The following RASA3 variants were observed in gnomAD, a reference collection of about 807,000 sequenced individuals.
RASA3 encodes RAS p21 protein activator 3.
RASA3 carries 73 observed loss-of-function variants against 110.0 expected under a neutral mutation model. The observed-to-expected ratio is 0.66, with a 90% confidence interval of 0.55 to 0.81. The LOEUF is 0.81. Among genes scored for constraint, RASA3 ranks in the 30% least tolerant of loss-of-function variants. The pLI is 0.00. For synonymous variants in RASA3, 500 were observed against 451.4 expected, an observed-to-expected ratio of 1.11 and a Z score of -1.37; for missense variants, 976 against 1,113.2, an observed-to-expected ratio of 0.88 and a Z score of 1.75.
chr13:114,040,885 C>A, intron 4 of RASA3, 115 bp downstream of exon 4: 1 of 956,380 alleles, frequency 1.0e-6, no homozygotes, highest in Non-Finnish European at 1.6e-6. Context: ...CATCGTTATT[C>A]CCAGTCAAGG....
At position 114,016,299 on chromosome 13, in the gene RASA3, G is replaced by C. The variant is rs374402193; in HGVS notation, c.1207-28C>G. 9.2e-6 allele frequency: 14 copies of C among 1,517,378 alleles called. 1 individual carries two copies. In the African/African-American group the frequency reaches 1.9e-4, roughly 21 times the overall value. The allele number at this position is 1,517,378 out of a possible 1,614,324, so 94.0% of individuals were successfully genotyped here. On this transcript the variant is annotated intron_variant, in intron 12 of 23. Transcript: ENST00000334062. ...GGGGAGAGGTTTAAGACAGGGCTCT[G>C]TGAGTGGGTTCTGGGGGCACAGGCA...
At chr13:114,031,001 CTG>C (rs1411962041) in intron 4 of RASA3, among the ~76,000 whole-genome samples, 9 of 150,754 alleles carry the variant, frequency 6.0e-5, no homozygotes, top group Non-Finnish European at 1.3e-4. Context: ...GTGTGTGCGG[CTG>C]TGTGTCTGCC....
chr13:114,065,227 C>A lies in RASA3; in HGVS notation c.173+8493G>T, dbSNP rs993977548. 1.3e-5 allele frequency among the ~76,000 whole-genome samples: 2 copies of A among 152,344 alleles called. No homozygotes were observed. Among genetic ancestry groups the A allele is most frequent in the African/African-American group, 4.8e-5 (2 of 41,584 alleles). The stretch of plus-strand genomic sequence containing the variant: ...TCCCTGAGTCACTTCCCAGCATCTG[C>A]GCAAGGCTGGCGCTGCCCCATCCCG... On this transcript the variant is annotated intron_variant, in intron 2 of 23. Coordinates refer to ENST00000334062, the MANE Select transcript of RASA3 (RefSeq NM_007368.4). This position sits in a 1 kb window ranked among gnomAD's most constrained non-coding sequence, Gnocchi z 4.1.
At chr13:114,017,164 A>T in intron 12 of RASA3, 73 bp downstream of exon 12, 1 of 1,361,800 alleles carries the variant, frequency 7.3e-7, no homozygotes, top group East Asian at 2.3e-5. Flanking sequence ...GCTGGATCCC[A>T]GTGCAGTGCC....
At chr13:114,110,296 G>A (rs1469642198) in intron 1 of RASA3, among the ~76,000 whole-genome samples, 1 of 152,206 alleles carries the variant, frequency 6.6e-6, no homozygotes, top group African/African-American at 2.4e-5. Context: ...GACAGACCCG[G>A]GCCCCTGACC....
chr13:114,083,394 C>A (rs2079812516), intron 1 of RASA3, among the ~76,000 whole-genome samples: 1 of 152,228 alleles, frequency 6.6e-6, no homozygotes. Context: ...CAGTGTGGCC[C>A]CAAAGCCAGA....
chr13:114,056,633 C>T lies in RASA3; in HGVS notation c.174-4478G>A, dbSNP rs1468777527. ...GCTGGCTGGGCACCTGGGAGGGTCC[C>T]GTGAGGCTTCTGGTGGTGCTGACAG... On this transcript the variant is annotated intron_variant, in intron 2 of 23. Transcript: ENST00000334062. This position sits in a 1 kb window ranked among gnomAD's most constrained non-coding sequence, Gnocchi z 5.7. The T allele has an allele frequency of 1.3e-5, 13 of 985,004 alleles. No homozygotes were observed. The highest frequency in any genetic ancestry group is 1.1e-4 in the East Asian group (1 of 8,804). 61.0% of individuals were successfully genotyped at this position (985,004 alleles called of 1,614,324 possible). A position where few individuals can be genotyped will look rare whatever the true frequency, so the allele number is the denominator to read the frequency against.
chr13:114,096,687 G>A lies in RASA3; in HGVS notation c.56-22850C>T, dbSNP rs577167128. Among the ~76,000 whole-genome samples the A allele has an allele frequency of 3.9e-5, 6 of 152,052 alleles. No homozygotes were observed. The highest frequency in any genetic ancestry group is 2.1e-4 in the South Asian group (1 of 4,810). ...ATACTGTAGCACCACACTGACTAGC[G>A]TGCGGGTCTCCACCACAGTTATGAC... On this transcript the variant is annotated intron_variant, in intron 1 of 23. Coordinates refer to ENST00000334062, the MANE Select transcript of RASA3 (RefSeq NM_007368.4). This position sits in a 1 kb window ranked among gnomAD's most constrained non-coding sequence, Gnocchi z 5.1.
chr13:114,087,816 A>G (rs556883216), intron 1 of RASA3, among the ~76,000 whole-genome samples: 7 of 152,336 alleles, frequency 4.6e-5, no homozygotes, highest in African/African-American at 1.7e-4. Context: ...TGGGAGCAGC[A>G]TTTCCTTCCA....
intron 11 of RASA3, 39 bp from the exon 12 acceptor site, chr13:114,017,390 G>T (rs898691462): frequency 1.9e-6 from 3 of 1,546,352 alleles, no homozygotes; most frequent in Non-Finnish European, 1.8e-6. Flanking sequence ...GTCTCCTGGG[G>T]ACGCGGAAGT....
chr13:114,101,067 G>A (rs527712205), intron 1 of RASA3, among the ~76,000 whole-genome samples: 1 of 152,190 alleles, frequency 6.6e-6, no homozygotes, highest in South Asian at 2.1e-4. Context: ...CGGGGGTGTA[G>A]GGACAGGGGC....
At chr13:114,010,436 T>G (rs2053606199) in intron 16 of RASA3, among the ~76,000 whole-genome samples, 1 of 151,866 alleles carries the variant, frequency 6.6e-6, no homozygotes, top group Non-Finnish European at 1.5e-5. Flanking sequence ...ACGTCAGCTC[T>G]GACCCCCTCA....
chr13:114,013,713 CCT>C (rs1183547533), intron 14 of RASA3, among the ~76,000 whole-genome samples: 8 of 86,496 alleles, frequency 9.2e-5, no homozygotes, highest in Non-Finnish European at 1.6e-4. Context: ...TCTCTCTCCC[CCT>C]CTCTCTCTCC....
At chr13:114,067,285 G>C (rs920329744) in intron 2 of RASA3, among the ~76,000 whole-genome samples, 1 of 152,038 alleles carries the variant, frequency 6.6e-6, no homozygotes, top group Non-Finnish European at 1.5e-5. Flanking sequence ...CCCACCTGGG[G>C]TACTCTGGGG....
chr13:114,070,929 CCGGCG>C (rs2079560627), intron 2 of RASA3, among the ~76,000 whole-genome samples: 1 of 120,568 alleles, frequency 8.3e-6, no homozygotes, highest in African/African-American at 3.5e-5. Context: ...GGCAGGGCTG[CCGGCG>C]TCCACGCTAA....
chr13:114,047,716 C>T lies in RASA3; in HGVS notation c.277+4336G>A, dbSNP rs146032321. 5.7e-3 allele frequency among the ~76,000 whole-genome samples: 861 copies of T among 152,356 alleles called. 1 individual carries two copies. The highest frequency in any genetic ancestry group is 0.016 in the African/African-American group (685 of 41,570). On this transcript the variant is annotated intron_variant, in intron 3 of 23. Coordinates refer to ENST00000334062, the MANE Select transcript of RASA3 (RefSeq NM_007368.4). ...GAAACCCACGGGCAGTGGAAGGGGGCGGCCTGGCTCACAGCCGCACAGCGC... is the reference window on the plus strand; with the variant it reads ...GAAACCCACGGGCAGTGGAAGGGGGTGGCCTGGCTCACAGCCGCACAGCGC...
rs1297979605 is a variant in RASA3 at position 114,027,434 on chromosome 13, C to T, written c.558G>A (p.Lys186=). ...FRSEAKKTKV[K]RKTNNPQFDE... ...CGAACTGGGGATTGTTGGTCTTCCT[C>T]TTCACTTTCGTCTTCTTTGCTTCTG... Residue 186 remains lysine (K), a synonymous_variant, in exon 7 of 24, where the codon AAG becomes AAA. Transcript: ENST00000334062. 31 of 1,613,160 alleles carry T rather than the reference C, an allele frequency of 1.9e-5. No homozygotes were observed. Among genetic ancestry groups the T allele is most frequent in the Non-Finnish European group, 2.6e-5 (31 of 1,179,312 alleles).
At position 113,979,368 on chromosome 13, in the gene RASA3, C is replaced by T; in HGVS notation, c.2484G>A (p.Glu828=). The T allele has an allele frequency of 6.2e-7, 1 of 1,605,856 alleles. No homozygotes were observed. ...SFQNYIRQQS[E]TSTHSI ...GACTTTAAATGGAATGAGTGGAGGT[C>T]TCGGACTGCTGCCGGATGTAGTTCT... Residue 828 remains glutamate, a synonymous_variant, in exon 24 of 24, where the codon GAG becomes GAA. Coordinates refer to ENST00000334062, the MANE Select transcript of RASA3 (RefSeq NM_007368.4).
intron 4 of RASA3, among the ~76,000 whole-genome samples, chr13:114,036,522 TG>T (rs1485332183): frequency 6.6e-6 from 1 of 152,044 alleles, no homozygotes; most frequent in Non-Finnish European, 1.5e-5. Flanking sequence ...ACTGGAGTTG[TG>T]GGGTTTTTTT....
Sources: allele counts gnomAD v4.1 joint callset (sites outside exome capture counted in the v4.1 genomes callset), GRCh38; gene constraint gnomAD v4.1.1; non-coding constraint Gnocchi (gnomAD v3.1); transcripts MANE v1.5; gene names NCBI Gene and HGNC (gene_info 2026-07-23, HGNC 2026-07-21).